The following MEI1 variants were observed in gnomAD, a reference collection of about 807,000 sequenced individuals.
MEI1 encodes meiosis inhibitor protein 1.
Under a neutral mutation model 146.2 loss-of-function variants are expected in MEI1, and 103 were observed. The observed-to-expected ratio is 0.70, with a 90% CI of 0.60 to 0.83. MEI1 has a LOEUF of 0.83. MEI1 is among the 40% of genes least tolerant of loss of function. The pLI, the probability that MEI1 is intolerant of heterozygous loss-of-function variation, is 0.00. For synonymous variants in MEI1, 652 were observed against 628.2 expected (o/e 1.04, Z -0.57); for missense variants, 1,529 against 1,533.0 (o/e 1.00, Z 0.04).
chr22:41,782,345 C>T (rs923545237), intron 24 of MEI1, among the ~76,000 whole-genome samples: 13 of 152,168 alleles, frequency 8.5e-5, no homozygotes, highest in African/African-American at 3.1e-4. Flanking sequence ...AGAAGCCAGC[C>T]TGCGACCTTA....
intron 23 of MEI1, 26 bp from the exon 24 acceptor site, chr22:41,781,659 G>C: frequency 6.2e-7 from 1 of 1,608,732 alleles, no homozygotes; most frequent in Middle Eastern, 2.1e-4. Flanking sequence ...AACTCCTGTG[G>C]GCCCTGCCTT....
intron 3 of MEI1, among the ~76,000 whole-genome samples, chr22:41,712,703 G>T (rs868350632): frequency 7.4e-4 from 68 of 91,444 alleles, no homozygotes; most frequent in African/African-American, 2.7e-3. Context: ...TGTGTGTGTG[G>T]AGCAATATAT....
chr22:41,796,913 G>A (rs1400604975), intron 30 of MEI1, among the ~76,000 whole-genome samples: 1 of 151,932 alleles, frequency 6.6e-6, no homozygotes, highest in Admixed American at 6.6e-5. Context: ...CCACTGTACT[G>A]CACCCTGGGC....
At chr22:41,729,875 A>T in intron 8 of MEI1, 96 bp downstream of exon 8, 1 of 694,884 alleles carries the variant, frequency 1.4e-6, no homozygotes, top group South Asian at 2.3e-5. Context: ...ACTATGTCTC[A>T]TAACATCTGA....
At chr22:41,787,436 C>G (rs73163337) in intron 26 of MEI1, among the ~76,000 whole-genome samples, 3 of 152,154 alleles carry the variant, frequency 2.0e-5, no homozygotes, top group East Asian at 1.9e-4. Flanking sequence ...AAAACACCCT[C>G]CTTCTTGCCA....
At chr22:41,704,854 A>G (rs994024924) in intron 2 of MEI1, among the ~76,000 whole-genome samples, 9 of 152,072 alleles carry the variant, frequency 5.9e-5, no homozygotes, top group African/African-American at 1.7e-4. Flanking sequence ...AGCTGGGACT[A>G]CAGGTGCCCG....
At chr22:41,743,890 T>C (rs1013743891) in intron 12 of MEI1, among the ~76,000 whole-genome samples, 8 of 152,114 alleles carry the variant, frequency 5.3e-5, no homozygotes, top group East Asian at 3.9e-4. Context: ...TTTTTTTTTT[T>C]CCCGAGATGG....
rs773537176 is a variant in MEI1, at chr22:41,767,583, A to G, written c.2269-3103A>G. The G allele has an allele frequency of 1.5e-5, 7 of 455,830 alleles. 1 individual carries two copies. Among genetic ancestry groups the G allele is most frequent in the South Asian group, 1.1e-4 (7 of 64,566 alleles). 28.2% of individuals were successfully genotyped at this position (455,830 alleles called of 1,614,324 possible). On this transcript the variant is annotated intron_variant, in intron 19 of 30. Transcript: ENST00000401548. ...GAAACTCTTCCTTTTCAGCAACTTC[A>G]TTGCAGTTTGATCAGCATTTCCTAA...
chr22:41,728,653 T>C (rs369622329), intron 7 of MEI1, among the ~76,000 whole-genome samples: 1 of 151,646 alleles, frequency 6.6e-6, no homozygotes, highest in African/African-American at 2.4e-5. Flanking sequence ...TGGCTTAAGC[T>C]CAGGAATTTG....
chr22:41,713,680 C>G (rs1469579189), intron 3 of MEI1, among the ~76,000 whole-genome samples: 2 of 152,212 alleles, frequency 1.3e-5, no homozygotes, highest in African/African-American at 4.8e-5. Flanking sequence ...TCCCGAGTAG[C>G]TGGGATTACA....
chr22:41,708,689 G>A (rs1022270992), intron 3 of MEI1, among the ~76,000 whole-genome samples: 3 of 152,194 alleles, frequency 2.0e-5, no homozygotes, highest in Admixed American at 6.5e-5. Flanking sequence ...CTTTCAGGAA[G>A]TGAAATGAAA....
chr22:41,771,621 A>G (rs1396752217), intron 20 of MEI1, among the ~76,000 whole-genome samples: 4 of 131,050 alleles, frequency 3.1e-5, no homozygotes, highest in Non-Finnish European at 6.6e-5. Flanking sequence ...TTTTTTTTTT[A>G]AGAGATGGGG....
intron 21 of MEI1, among the ~76,000 whole-genome samples, chr22:41,777,655 A>T (rs1214029632): frequency 6.6e-6 from 1 of 152,138 alleles, no homozygotes; most frequent in East Asian, 1.9e-4. Context: ...TGGGCATTGG[A>T]TTCAGATTTG....
At chr22:41,779,384 C>T (rs899752769) in intron 22 of MEI1, among the ~76,000 whole-genome samples, 2 of 152,018 alleles carry the variant, frequency 1.3e-5, no homozygotes, top group African/African-American at 4.8e-5. Flanking sequence ...GAGCCCAGGA[C>T]GTCAAGGCTG....
chr22:41,789,183 G>A (rs1445605277), intron 26 of MEI1, among the ~76,000 whole-genome samples: 2 of 152,064 alleles, frequency 1.3e-5, no homozygotes, highest in South Asian at 2.1e-4. Flanking sequence ...GTGGTGGCGC[G>A]CACCTGTAAT....
At position 41,784,796 on chromosome 22, in the gene MEI1, C is replaced by T; in HGVS notation, c.3345+13C>T. Reference sequence around the variant, plus strand: ...CCTCCTGGTGCAGGTAAGGCCCTTGCTGAGTGGGGCTTGCTTCTCCCAGGA... The same window carrying T: ...CCTCCTGGTGCAGGTAAGGCCCTTGTTGAGTGGGGCTTGCTTCTCCCAGGA... On this transcript the variant is annotated intron_variant, in intron 26 of 30. Transcript: ENST00000401548. 1.3e-6 allele frequency: 2 copies of T among 1,576,860 alleles called. No homozygotes were observed. Among genetic ancestry groups the T allele is most frequent in the Non-Finnish European group, 1.7e-6 (2 of 1,158,134 alleles).
intron 4 of MEI1, among the ~76,000 whole-genome samples, chr22:41,714,808 G>A (rs1298273344): frequency 6.6e-6 from 1 of 152,062 alleles, no homozygotes; most frequent in African/African-American, 2.4e-5. Context: ...ATGAACCCAG[G>A]AGGTGGAGTT....
intron 18 of MEI1, 93 bp from the exon 19 acceptor site, chr22:41,763,081 A>G: frequency 3.5e-6 from 5 of 1,417,946 alleles, no homozygotes; most frequent in Non-Finnish European, 4.8e-6. Context: ...GGGGCAGGAC[A>G]GTGGGCTGAG....
chr22:41,759,668 A>C (rs991251248), intron 18 of MEI1, among the ~76,000 whole-genome samples: 2 of 143,240 alleles, frequency 1.4e-5, no homozygotes, highest in African/African-American at 5.7e-5. Flanking sequence ...AATAAAAATA[A>C]AAATACAAAA....
Sources: gnomAD v4.1 joint callset for allele counts (sites outside exome capture counted in the v4.1 genomes callset) on GRCh38, gnomAD v4.1.1 for gene constraint, MANE v1.5 for transcripts, NCBI Gene and HGNC (gene_info 2026-07-23, HGNC 2026-07-21) for gene names.